The following RGS7 variants were observed in gnomAD, a reference collection of about 807,000 sequenced individuals.
The protein encoded by RGS7 is regulator of G protein signaling 7.
In RGS7, 27 loss-of-function variants were observed where a neutral mutation model predicts 81.1. The ratio of observed to expected loss-of-function variants is 0.33; its 90% CI spans 0.25 to 0.46. The LOEUF is 0.46. Among genes scored for constraint, RGS7 ranks in the 20% least tolerant of loss-of-function variants. The probability of loss-of-function intolerance (pLI) is 1.00; values close to 1 mark genes in which losing one functional copy is unlikely to be tolerated. For synonymous variants in RGS7, 208 were observed against 207.7 expected (o/e 1.00, Z -0.01); for missense variants, 396 against 607.4 (o/e 0.65, Z 3.66).
chr1:240,837,138 A>G (rs1345580556), intron 9 of RGS7, among the ~76,000 whole-genome samples: 1 of 152,220 alleles, frequency 6.6e-6, no homozygotes, highest in Admixed American at 6.5e-5. Context: ...GTTCCCAGTT[A>G]GAACTGCTTT....
chr1:240,950,052 C>T (rs955627312), intron 4 of RGS7, among the ~76,000 whole-genome samples: 1 of 152,118 alleles, frequency 6.6e-6, no homozygotes, highest in African/African-American at 2.4e-5. Flanking sequence ...CATCCAGAGA[C>T]ATGACCAAGA....
intron 4 of RGS7, among the ~76,000 whole-genome samples, chr1:240,945,661 A>G (rs960112796): frequency 2.0e-5 from 3 of 152,238 alleles, no homozygotes; most frequent in African/African-American, 7.2e-5. Flanking sequence ...CACAGTTTTT[A>G]TGAAATTTCA....
chr1:240,779,890 C>G lies in RGS7; in HGVS notation c.*7-3677G>C, dbSNP rs544654397. On this transcript the variant is annotated intron_variant, in intron 18 of 18. Coordinates refer to ENST00000440928, the MANE Select transcript of RGS7 (RefSeq NM_001364886.1). ...ATTATTAACACTATCATTATATGCT[C>G]TCTTCATTAAGATACCCAAACCCAG... is the stretch of plus-strand genomic sequence containing the variant. 2.8e-3 allele frequency among the ~76,000 whole-genome samples: 432 copies of G among 152,220 alleles called. 1 individual carries two copies. The highest frequency in any genetic ancestry group is 9.1e-3 in the African/African-American group (377 of 41,528).
chr1:240,946,227 C>T (rs1678582510), intron 4 of RGS7, among the ~76,000 whole-genome samples: 1 of 151,944 alleles, frequency 6.6e-6, no homozygotes, highest in African/African-American at 2.4e-5. Flanking sequence ...CAAAAATCCC[C>T]CCCTCTTTTC....
chr1:241,192,460 T>G (rs1009165275), intron 2 of RGS7, among the ~76,000 whole-genome samples: 1 of 152,146 alleles, frequency 6.6e-6, no homozygotes, highest in African/African-American at 2.4e-5. Flanking sequence ...TTTATGTATA[T>G]TTTATGTATA....
At chr1:241,223,509 T>G (rs563539188) in intron 2 of RGS7, among the ~76,000 whole-genome samples, 1 of 152,218 alleles carries the variant, frequency 6.6e-6, no homozygotes, top group East Asian at 1.9e-4. Flanking sequence ...AGTAGGTTGT[T>G]GGAAAGCCTG....
At chr1:241,178,733 C>T (rs2071359849) in intron 2 of RGS7, among the ~76,000 whole-genome samples, 1 of 152,082 alleles carries the variant, frequency 6.6e-6, no homozygotes, top group Non-Finnish European at 1.5e-5. Context: ...GATATTGTTT[C>T]CAAAAACTAC....
chr1:240,927,300 T>A (rs1181765528), intron 6 of RGS7, among the ~76,000 whole-genome samples: 1 of 152,086 alleles, frequency 6.6e-6, no homozygotes, highest in Non-Finnish European at 1.5e-5. Flanking sequence ...CTCTTGACCT[T>A]GTGATACGCC....
intron 6 of RGS7, among the ~76,000 whole-genome samples, chr1:240,913,021 G>A (rs537713576): frequency 1.2e-4 from 18 of 152,262 alleles, no homozygotes; most frequent in African/African-American, 2.9e-4. Context: ...CAGCAGGCTC[G>A]CTTCAGCATT....
chr1:240,847,577 G>A (rs951961105), intron 9 of RGS7, among the ~76,000 whole-genome samples: 1 of 152,184 alleles, frequency 6.6e-6, no homozygotes, highest in East Asian at 1.9e-4. Flanking sequence ...GAATTTTTAT[G>A]TAATCCATCA....
chr1:241,330,118 T>A (rs1347525268), intron 2 of RGS7, among the ~76,000 whole-genome samples: 1 of 152,176 alleles, frequency 6.6e-6, no homozygotes, highest in Non-Finnish European at 1.5e-5. Context: ...TTTTTGTATT[T>A]TTAGCAGAGA....
At chr1:241,312,991 A>G (rs1254245105) in intron 2 of RGS7, among the ~76,000 whole-genome samples, 1 of 150,764 alleles carries the variant, frequency 6.6e-6, no homozygotes, top group Non-Finnish European at 1.5e-5. Flanking sequence ...AGATGATCAA[A>G]CCCGCCACAA....
At chr1:241,084,724 A>C (rs1424959652) in intron 3 of RGS7, among the ~76,000 whole-genome samples, 1 of 152,244 alleles carries the variant, frequency 6.6e-6, no homozygotes, top group African/African-American at 2.4e-5. Flanking sequence ...TTTCAACAGA[A>C]GAGGGCAATG....
chr1:241,255,183 A>T (rs1020687485), intron 2 of RGS7, among the ~76,000 whole-genome samples: 1 of 152,224 alleles, frequency 6.6e-6, no homozygotes, highest in Non-Finnish European at 1.5e-5. Context: ...ATAAATGTGA[A>T]ATAGTACAAG....
chr1:240,923,378 T>C (rs561370152), intron 6 of RGS7, among the ~76,000 whole-genome samples: 5 of 152,124 alleles, frequency 3.3e-5, no homozygotes, highest in Non-Finnish European at 7.4e-5. Context: ...ACATACTATA[T>C]TATGGTAAGT....
At position 241,163,383 on chromosome 1, in the gene RGS7, G is replaced by A. The variant is rs913210065; in HGVS notation, c.79-64621C>T. ...ACATATTTTGAGATGGATGTTCAGA[G>A]GGCCAGCAGATAGAAGTAGCCATGC... On this transcript the variant is annotated intron_variant, in intron 2 of 18. Transcript: ENST00000440928. This position sits in a 1 kb window ranked among gnomAD's most constrained non-coding sequence, Gnocchi z 4.6. 3.3e-5 allele frequency among the ~76,000 whole-genome samples: 5 copies of A among 152,142 alleles called. No homozygotes were observed. Among genetic ancestry groups the A allele is most frequent in the African/African-American group, 1.2e-4 (5 of 41,410 alleles).
chr1:240,883,002 T>C (rs1424848159), intron 6 of RGS7, among the ~76,000 whole-genome samples: 1 of 152,230 alleles, frequency 6.6e-6, no homozygotes, highest in African/African-American at 2.4e-5. Flanking sequence ...TTTGGTTTTT[T>C]GTCCTTGCAA....
rs189512522 is a variant in RGS7, at chr1:241,344,280, A to C, written c.78+11419T>G. Among the ~76,000 whole-genome samples, 211 of 152,326 alleles carry C rather than the reference A, an allele frequency of 1.4e-3. 1 individual carries two copies. The highest frequency in any genetic ancestry group is 5.0e-3 in the African/African-American group (209 of 41,586). ...ATGTTGCTTTATATTTACCATATAC[A>C]ACAGTTTTAAACAAAATATCAAGCC... On this transcript the variant is annotated intron_variant, in intron 2 of 18. Coordinates refer to ENST00000440928, the MANE Select transcript of RGS7 (RefSeq NM_001364886.1).
At chr1:240,834,579 C>G (rs557252516) in intron 9 of RGS7, among the ~76,000 whole-genome samples, 2 of 152,152 alleles carry the variant, frequency 1.3e-5, no homozygotes, top group Non-Finnish European at 2.9e-5. Context: ...GGCGTGACCT[C>G]GGCTCACTGC....
Sources: gnomAD v4.1 joint callset for allele counts (sites outside exome capture counted in the v4.1 genomes callset) on GRCh38, gnomAD v4.1.1 for gene constraint, Gnocchi (gnomAD v3.1) non-coding constraint, MANE v1.5 for transcripts, NCBI Gene and HGNC (gene_info 2026-07-23, HGNC 2026-07-21) for gene names.